SPAG16: variants seen among roughly 807,000 people sequenced by gnomAD.
SPAG16 encodes the protein sperm-associated antigen 16 protein.
A neutral mutation model predicts 80.4 loss-of-function variants in SPAG16; 86 were observed. The observed-to-expected ratio is 1.07, with a 90% confidence interval of 0.90 to 1.28. The LOEUF is 1.28. Ranked by LOEUF, SPAG16 falls within the 50% of genes most tolerant of loss-of-function variation. SPAG16 has a pLI of 0.00. For missense variants in SPAG16, 870 were observed against 765.3 expected, an observed-to-expected ratio of 1.14 and a Z score of -1.61; for synonymous variants, 294 against 265.9, an observed-to-expected ratio of 1.11 and a Z score of -1.03.
chr2:214,081,104 G>T (rs1217391917), intron 13 of SPAG16, among the ~76,000 whole-genome samples: 4 of 150,424 alleles, frequency 2.7e-5, no homozygotes, highest in African/African-American at 4.9e-5. Flanking sequence ...TATAATATTA[G>T]AATTTAAATA....
intron 10 of SPAG16, among the ~76,000 whole-genome samples, chr2:213,733,753 T>A (rs930239817): frequency 6.6e-6 from 1 of 152,168 alleles, no homozygotes; most frequent in Non-Finnish European, 1.5e-5. Context: ...GTTGTGTTTC[T>A]CTTGTCTCCA....
chr2:214,093,415 T>C (rs1385962740), intron 13 of SPAG16, among the ~76,000 whole-genome samples: 1 of 150,952 alleles, frequency 6.6e-6, no homozygotes, highest in East Asian at 2.0e-4. Flanking sequence ...TAATCTCTTC[T>C]ATCATTCTAA....
intron 10 of SPAG16, among the ~76,000 whole-genome samples, chr2:213,502,028 T>G (rs1206521419): frequency 6.6e-6 from 1 of 152,262 alleles, no homozygotes; most frequent in African/African-American, 2.4e-5. Flanking sequence ...TTTAGCTATT[T>G]CCAAAGTGAT....
chr2:214,390,948 G>T (rs1574488751), intron 15 of SPAG16, among the ~76,000 whole-genome samples: 1 of 152,136 alleles, frequency 6.6e-6, no homozygotes, highest in Admixed American at 6.6e-5. Context: ...AAGAAATATT[G>T]CTAAGGTTGT....
At chr2:213,437,562 T>C (rs1238420704) in intron 9 of SPAG16, among the ~76,000 whole-genome samples, 1 of 152,210 alleles carries the variant, frequency 6.6e-6, no homozygotes, top group Non-Finnish European at 1.5e-5. Context: ...TCAGCCATTA[T>C]AGGGGTGACT....
rs2052778737 is a variant in SPAG16, at chr2:214,098,783, C to T, written c.1528-9413C>T. Among the ~76,000 whole-genome samples, 5 of 152,164 alleles carry T rather than the reference C, an allele frequency of 3.3e-5. No individual in the cohort carries two copies. The South Asian group carries it at 1.0e-3, about 32-fold the overall frequency. On this transcript the variant is annotated intron_variant, in intron 13 of 15. Coordinates refer to ENST00000331683, the MANE Select transcript of SPAG16 (RefSeq NM_024532.5). The stretch of plus-strand genomic sequence containing the variant: ...AAGAATTATACTGGTCAGAGTTACC[C>T]ATTGAGCAAATCCAATTGCTGATTT...
At chr2:214,177,808 A>G (rs1178599001) in intron 15 of SPAG16, among the ~76,000 whole-genome samples, 1 of 147,624 alleles carries the variant, frequency 6.8e-6, no homozygotes, top group Non-Finnish European at 1.5e-5. Flanking sequence ...AAAAACCATA[A>G]GTTTGTTCCT....
intron 15 of SPAG16, among the ~76,000 whole-genome samples, chr2:214,204,942 A>T (rs903310574): frequency 6.6e-6 from 1 of 152,184 alleles, no homozygotes; most frequent in Non-Finnish European, 1.5e-5. Flanking sequence ...AATAAAAAAT[A>T]AATCAGCTGG....
intron 10 of SPAG16, among the ~76,000 whole-genome samples, chr2:213,660,657 CAG>C (rs2063391615): frequency 6.6e-6 from 1 of 152,112 alleles, no homozygotes; most frequent in Non-Finnish European, 1.5e-5. Flanking sequence ...ATCCAGGGCT[CAG>C]GGGATAAAAC....
intron 15 of SPAG16, among the ~76,000 whole-genome samples, chr2:214,332,233 C>T (rs1696971195): frequency 6.6e-6 from 1 of 152,214 alleles, no homozygotes; most frequent in Non-Finnish European, 1.5e-5. Context: ...GCCTGGTCAA[C>T]AGAGTGAGAC....
At chr2:213,520,042 CGA>C (rs748201144) in intron 10 of SPAG16, among the ~76,000 whole-genome samples, 4 of 149,244 alleles carry the variant, frequency 2.7e-5, no homozygotes, top group African/African-American at 4.9e-5. Context: ...CACACACACA[CGA>C]GAGAGAGAGA....
intron 12 of SPAG16, among the ~76,000 whole-genome samples, chr2:213,939,299 C>T (rs2079108451): frequency 6.6e-6 from 1 of 152,220 alleles, no homozygotes; most frequent in African/African-American, 2.4e-5. Flanking sequence ...CAGACCCTTG[C>T]CCTTGTGGAG....
chr2:213,987,745 C>T (rs1044480585), intron 12 of SPAG16, among the ~76,000 whole-genome samples: 2 of 149,734 alleles, frequency 1.3e-5, no homozygotes, highest in Non-Finnish European at 3.0e-5. Context: ...TTCCTAAGGG[C>T]TTAAATTCTA....
intron 13 of SPAG16, among the ~76,000 whole-genome samples, chr2:214,097,551 C>T (rs2052675502): frequency 6.6e-6 from 1 of 151,936 alleles, no homozygotes; most frequent in Non-Finnish European, 1.5e-5. Flanking sequence ...CATGAGTGTC[C>T]TTTTATAACA....
chr2:213,810,105 A>T (rs1175358973), intron 10 of SPAG16, among the ~76,000 whole-genome samples: 2 of 152,204 alleles, frequency 1.3e-5, no homozygotes, highest in Non-Finnish European at 2.9e-5. Context: ...CAGAAGAGTA[A>T]GAGAGAAGGA....
intron 9 of SPAG16, among the ~76,000 whole-genome samples, chr2:213,435,969 C>T (rs1575585197): frequency 6.6e-6 from 1 of 152,254 alleles, no homozygotes; most frequent in Admixed American, 6.5e-5. Context: ...CCATATTCCC[C>T]AGATATTCCT....
chr2:213,347,657 C>G (rs1209063339), intron 6 of SPAG16, among the ~76,000 whole-genome samples: 2 of 152,202 alleles, frequency 1.3e-5, no homozygotes, highest in Non-Finnish European at 2.9e-5. Context: ...AGTAGTCATT[C>G]AGGAGCAGGT....
intron 13 of SPAG16, among the ~76,000 whole-genome samples, chr2:214,027,457 T>C (rs1322527056): frequency 6.6e-6 from 1 of 151,756 alleles, no homozygotes; most frequent in African/African-American, 2.4e-5. Context: ...TGCAGAAACA[T>C]CCTTGCAGGT....
At chr2:213,657,533 GAAGTA>G (rs1201591503) in intron 10 of SPAG16, among the ~76,000 whole-genome samples, 1 of 152,158 alleles carries the variant, frequency 6.6e-6, no homozygotes, top group East Asian at 1.9e-4. Context: ...AGGCTAATTT[GAAGTA>G]AAGTATAAAG....
Sources: allele counts gnomAD v4.1 joint callset (sites outside exome capture counted in the v4.1 genomes callset), GRCh38; gene constraint gnomAD v4.1.1; transcripts MANE v1.5; gene names NCBI Gene and HGNC (gene_info 2026-07-23, HGNC 2026-07-21).